Variants in RAP1GAP2 observed in about 807,000 individuals in gnomAD.
RAP1GAP2 encodes RAP1 GTPase activating protein 2.
A neutral mutation model predicts 95.0 loss-of-function variants in RAP1GAP2; 27 were observed. The ratio of observed to expected loss-of-function variants is 0.28; its 90% CI spans 0.21 to 0.39. The LOEUF (loss-of-function observed/expected upper bound fraction) is 0.39. RAP1GAP2 is among the 10% of genes least tolerant of loss of function. The pLI, the probability that RAP1GAP2 is intolerant of heterozygous loss-of-function variation, is 1.00. For synonymous variants in RAP1GAP2, 373 were observed against 380.9 expected, an observed-to-expected ratio of 0.98 and a Z score of 0.24; for missense variants, 771 against 970.0, an observed-to-expected ratio of 0.79 and a Z score of 2.72.
At chr17:2,981,860 TGAA>T (rs1222061317) in intron 10 of RAP1GAP2, among the ~76,000 whole-genome samples, 1 of 152,212 alleles carries the variant, frequency 6.6e-6, no homozygotes, top group Non-Finnish European at 1.5e-5. Flanking sequence ...ACAAGAGGAC[TGAA>T]GTCACCCATG....
intron 8 of RAP1GAP2, among the ~76,000 whole-genome samples, chr17:2,973,038 T>C (rs921399482): frequency 1.3e-5 from 2 of 152,020 alleles, no homozygotes; most frequent in African/African-American, 4.8e-5. Context: ...ACGTAGGTGG[T>C]GAGGGAGAAC....
Position 2,867,910 on chromosome 17 carries a change from C to T in RAP1GAP2, c.81-37374C>T, listed in dbSNP as rs925104097. On this transcript the variant is annotated intron_variant, in intron 2 of 24. Coordinates refer to ENST00000254695, the MANE Select transcript of RAP1GAP2 (RefSeq NM_015085.5). The surrounding 1 kb of genome is among the most constrained non-coding windows in gnomAD (Gnocchi z 4.5). Reference sequence around the variant, plus strand: ...GCCTTGGCTGGATGAGGTGTGCTTTCTTCTTCACGGATGCAGCTCGCGGGA... The same window carrying T: ...GCCTTGGCTGGATGAGGTGTGCTTTTTTCTTCACGGATGCAGCTCGCGGGA... Among the ~76,000 whole-genome samples the T allele has an allele frequency of 1.3e-5, 2 of 152,186 alleles. No individual in the cohort carries two copies. The highest frequency in any genetic ancestry group is 4.8e-5 in the African/African-American group (2 of 41,450).
intron 13 of RAP1GAP2, 142 bp downstream of exon 13, chr17:2,995,608 A>C: frequency 1.6e-6 from 2 of 1,218,338 alleles, no homozygotes; most frequent in Admixed American, 2.3e-5. Flanking sequence ...GCAGCGTCAC[A>C]GTCCGTTCTG....
intron 17 of RAP1GAP2, among the ~76,000 whole-genome samples, chr17:3,015,198 A>G (rs9898513): frequency 0.68 from 103,276 of 151,310 alleles, 35,337 homozygotes; most frequent in Admixed American, 0.7. Context: ...ACCCTGTTCT[A>G]TGGTATAGAG....
At chr17:2,982,793 T>A (rs2045414607) in intron 10 of RAP1GAP2, among the ~76,000 whole-genome samples, 1 of 152,112 alleles carries the variant, frequency 6.6e-6, no homozygotes, top group Non-Finnish European at 1.5e-5. Flanking sequence ...GAGTTCTCTC[T>A]ATCCCTTGGA....
At chr17:2,841,303 A>ATT (rs35885315) in intron 2 of RAP1GAP2, among the ~76,000 whole-genome samples, 27,626 of 126,938 alleles carry the variant, frequency 0.22, 3,757 homozygotes, top group Non-Finnish European at 0.26. Context: ...GATATGGGGA[A>ATT]TTTTTTTTTT....
chr17:2,992,275 A>C (rs562921840), intron 12 of RAP1GAP2, among the ~76,000 whole-genome samples: 278 of 147,818 alleles, frequency 1.9e-3, no homozygotes, highest in African/African-American at 6.7e-3. Context: ...ATTCTCCTGC[A>C]TCAGCCTCCC....
intron 12 of RAP1GAP2, among the ~76,000 whole-genome samples, chr17:2,991,725 C>T (rs183093480): frequency 6.8e-4 from 103 of 152,250 alleles, no homozygotes; most frequent in African/African-American, 2.3e-3. Flanking sequence ...AAGGGAGCCC[C>T]GTGCAGTTTT....
At chr17:2,973,219 G>A (rs146370477) in intron 8 of RAP1GAP2, among the ~76,000 whole-genome samples, 6 of 152,132 alleles carry the variant, frequency 3.9e-5, no homozygotes, top group Non-Finnish European at 8.8e-5. Flanking sequence ...TTGCACAGTA[G>A]AATGATCACT....
At position 2,853,977 on chromosome 17, in the gene RAP1GAP2, C is replaced by A. The variant is rs942514224; in HGVS notation, c.81-51307C>A. Reference sequence around the variant, plus strand: ...GGGGACGCGGGCGGGCGAGGTCGGGCACCGCGGGCGGCCTCGCCATGTCCC... The same window carrying A: ...GGGGACGCGGGCGGGCGAGGTCGGGAACCGCGGGCGGCCTCGCCATGTCCC... On this transcript the variant is annotated intron_variant, in intron 2 of 24. Transcript: ENST00000254695. The A allele has an allele frequency of 7.1e-6, 7 of 983,768 alleles. No individual in the cohort carries two copies. The African/African-American group carries it at 1.2e-4, about 17-fold the overall frequency. The allele number at this position is 983,768 out of a possible 1,614,324, so 60.9% of individuals were successfully genotyped here.
At chr17:2,918,283 A>G (rs896825177) in intron 3 of RAP1GAP2, among the ~76,000 whole-genome samples, 7 of 151,920 alleles carry the variant, frequency 4.6e-5, no homozygotes, top group African/African-American at 1.7e-4. Context: ...AAATACAAAA[A>G]TTAGTTGGGC....
At chr17:2,755,885 C>T in intron 1 of RAP1GAP2, 1 of 299,146 alleles carries the variant, frequency 3.3e-6, no homozygotes, top group East Asian at 5.1e-5. Context: ...GCTGCGGGGC[C>T]CGGGTGGGCG....
rs73308023 is a variant in RAP1GAP2, at chr17:2,796,453, C to T, written c.-75C>T. 1.4e-3 allele frequency: 2,126 copies of T among 1,513,470 alleles called. 23 individuals are homozygous for T. The African/African-American group carries it at 0.024, about 17-fold the overall frequency. 93.8% of individuals were successfully genotyped at this position (1,513,470 alleles called of 1,614,324 possible). A position where few individuals can be genotyped will look rare whatever the true frequency, so the allele number is the denominator to read the frequency against. ...CTGCACCGGCACTGACCCCGCTGTA[C>T]CACGGCCCTCTTGCGGACAGCCCCG... On this transcript the variant is annotated 5_prime_UTR_variant, in exon 1 of 25. Transcript: ENST00000254695. This position sits in a 1 kb window ranked among gnomAD's most constrained non-coding sequence, Gnocchi z 4.7.
At chr17:2,789,912 T>C (rs932026455) in intron 1 of RAP1GAP2, among the ~76,000 whole-genome samples, 1 of 152,146 alleles carries the variant, frequency 6.6e-6, no homozygotes, top group Non-Finnish European at 1.5e-5. Context: ...TTTCAGCACT[T>C]GTGCAATGGG....
At chr17:2,891,814 CTTTTTTTTT>C (rs917540694) in intron 2 of RAP1GAP2, among the ~76,000 whole-genome samples, 718 of 54,258 alleles carry the variant, frequency 0.013, 5 homozygotes, top group African/African-American at 0.048. Context: ...TATTTCTTTT[CTTTTTTTTT>C]TTTTTTTTTT....
intron 2 of RAP1GAP2, among the ~76,000 whole-genome samples, chr17:2,823,718 C>T (rs2070410092): frequency 6.6e-6 from 1 of 152,174 alleles, no homozygotes. Flanking sequence ...ACTACATAAT[C>T]AGTGAGTGGC....
intron 1 of RAP1GAP2, among the ~76,000 whole-genome samples, chr17:2,780,577 G>C (rs1181389130): frequency 6.6e-6 from 1 of 152,204 alleles, no homozygotes; most frequent in Admixed American, 6.5e-5. Flanking sequence ...AGAGGTCACA[G>C]AGTGGGGAAG....
intron 8 of RAP1GAP2, among the ~76,000 whole-genome samples, chr17:2,979,471 T>G (rs1277086839): frequency 3.5e-5 from 5 of 142,008 alleles, no homozygotes; most frequent in Non-Finnish European, 6.1e-5. Flanking sequence ...TTTTTTTTTT[T>G]TTTTTTTTTT....
In RAP1GAP2 at chr17:2,827,905, C is replaced by T. The variant is rs1036116463; in HGVS notation, c.80+27355C>T. On this transcript the variant is annotated intron_variant, in intron 2 of 24. Coordinates refer to ENST00000254695, the MANE Select transcript of RAP1GAP2 (RefSeq NM_015085.5). The surrounding 1 kb of genome is among the most constrained non-coding windows in gnomAD (Gnocchi z 4.1). ...AGTGACGGTGGGGGCCCAGGGGGAG[C>T]GTGGCAGAGGCTCTCAGGCTGGAGG... Among the ~76,000 whole-genome samples the T allele has an allele frequency of 3.3e-5, 5 of 152,220 alleles. No individual in the cohort carries two copies. Among genetic ancestry groups the T allele is most frequent in the Admixed American group, 1.3e-4 (2 of 15,278 alleles).
Sources: gnomAD v4.1 joint callset for allele counts (sites outside exome capture counted in the v4.1 genomes callset) on GRCh38, gnomAD v4.1.1 for gene constraint, Gnocchi (gnomAD v3.1) non-coding constraint, MANE v1.5 for transcripts, NCBI Gene and HGNC (gene_info 2026-07-23, HGNC 2026-07-21) for gene names.